The following NAE1 variants were observed in gnomAD, a reference collection of about 807,000 sequenced individuals.
The protein encoded by NAE1 is NEDD8 activating enzyme E1 subunit 1.
Under a neutral mutation model 88.0 loss-of-function variants are expected in NAE1, and 59 were observed. The observed-to-expected ratio is 0.67, with a 90% confidence interval of 0.54 to 0.83. NAE1 has a LOEUF of 0.83. Among genes scored for constraint, NAE1 ranks in the 40% least tolerant of loss-of-function variants. The pLI, the probability that NAE1 is intolerant of heterozygous loss-of-function variation, is 0.00. For synonymous variants in NAE1, 186 were observed against 208.9 expected (o/e 0.89, Z 0.95); for missense variants, 554 against 632.8 (o/e 0.88, Z 1.34).
chr16:66,802,887 A>T lies in NAE1; in HGVS notation c.*122T>A. On this transcript the variant is annotated 3_prime_UTR_variant, in exon 20 of 20. Transcript: ENST00000290810. The stretch of plus-strand genomic sequence containing the variant: ...GAACAAGACTACATTATTACAAATG[A>T]GAAAAATGTTTATTAAGAAAACAAT... 1.5e-6 allele frequency: 1 copy of T among 673,236 alleles called. No homozygotes were observed. Among genetic ancestry groups the T allele is most frequent in the Non-Finnish European group, 2.6e-6 (1 of 383,518 alleles). 41.7% of individuals were successfully genotyped at this position (673,236 alleles called of 1,614,324 possible).
At chr16:66,820,758 G>A (rs12600037) in intron 7 of NAE1, among the ~76,000 whole-genome samples, 59,555 of 151,818 alleles carry the variant, frequency 0.39, 13,556 homozygotes, top group East Asian at 0.6. Flanking sequence ...AAAATTAGCC[G>A]GGCACGGTGG....
At chr16:66,808,847 T>G (rs1959675889) in intron 16 of NAE1, 142 bp downstream of exon 16, 1 of 616,232 alleles carries the variant, frequency 1.6e-6, no homozygotes, top group South Asian at 2.8e-5. Context: ...TATAATTACC[T>G]AGATAAGCTT....
chr16:66,828,384 G>A (rs972895858), intron 1 of NAE1, among the ~76,000 whole-genome samples: 27 of 151,974 alleles, frequency 1.8e-4, no homozygotes, highest in African/African-American at 6.3e-4. Flanking sequence ...CCAGCTACTA[G>A]GGAGGCTGAG....
chr16:66,822,876 G>C (rs1960325122), intron 6 of NAE1, among the ~76,000 whole-genome samples: 1 of 149,498 alleles, frequency 6.7e-6, no homozygotes, highest in Admixed American at 6.6e-5. Context: ...CACCATGTTG[G>C]CCAGGATGGT....
At chr16:66,811,106 G>C (rs1381294823) in intron 13 of NAE1, among the ~76,000 whole-genome samples, 1 of 152,186 alleles carries the variant, frequency 6.6e-6, no homozygotes, top group African/African-American at 2.4e-5. Flanking sequence ...TTATCTCCTG[G>C]AAGTCAAGTC....
At chr16:66,830,495 C>T (rs766943314) in intron 1 of NAE1, among the ~76,000 whole-genome samples, 1 of 152,236 alleles carries the variant, frequency 6.6e-6, no homozygotes, top group African/African-American at 2.4e-5. Context: ...CAAAACCTAA[C>T]CCTCTGTGCC....
chr16:66,816,706 T>C, intron 10 of NAE1, 34 bp from the exon 11 acceptor site: 1 of 1,488,038 alleles, frequency 6.7e-7, no homozygotes, highest in Non-Finnish European at 9.3e-7. Context: ...CAAACAGCCC[T>C]TTTCTTTTCA....
chr16:66,803,309 A>C (rs113501099), intron 19 of NAE1, among the ~76,000 whole-genome samples, 191 bp from the exon 20 acceptor site: 1 of 152,220 alleles, frequency 6.6e-6, no homozygotes, highest in Non-Finnish European at 1.5e-5. Context: ...AAGGAAATCT[A>C]AACAGTAGTG....
At chr16:66,815,662 CTT>C (rs80325903) in intron 11 of NAE1, among the ~76,000 whole-genome samples, 30 of 139,154 alleles carry the variant, frequency 2.2e-4, no homozygotes, top group Admixed American at 3.6e-4. Context: ...CCAGCAAACA[CTT>C]TTTTTTTTTT....
rs144225174 is a variant in NAE1, at chr16:66,823,435, GAC to G, written c.321+92_321+93del. The G allele has an allele frequency of 5.1e-3, 6,753 of 1,332,210 alleles. 300 individuals are homozygous for G. The African/African-American group carries it at 0.09, about 18-fold the overall frequency. 82.5% of individuals were successfully genotyped at this position (1,332,210 alleles called of 1,614,324 possible). On this transcript the variant is annotated intron_variant, in intron 5 of 19. Coordinates refer to ENST00000290810, the MANE Select transcript of NAE1 (RefSeq NM_003905.4). ...AATTCCAATTCAACTAATCATAAAT[GAC>G]ACAAAGATTCAAAATTCTAAATTTC...
chr16:66,816,586 T>C lies in NAE1; in HGVS notation c.835A>G (p.Thr279Ala). The change falls in exon 11 of 20, where the codon ACT becomes GCT. Residue 279 changes from threonine to alanine, a missense_variant. Transcript: ENST00000290810. ...CTCAGCAACTCTTTCATTACCTGAG[T>C]TGTATTTAGTGCTGTGTTCACATTT... ...IKNVNTALNTTQIPSSIEDIF... is the reference protein window; with the variant it reads ...IKNVNTALNTAQIPSSIEDIF... The C allele has an allele frequency of 6.2e-7, 1 of 1,601,844 alleles. No homozygotes were observed. Among genetic ancestry groups the C allele is most frequent in the Non-Finnish European group, 8.6e-7 (1 of 1,169,570 alleles).
chr16:66,830,734 C>T, intron 1 of NAE1, 113 bp downstream of exon 1: 3 of 1,061,670 alleles, frequency 2.8e-6, no homozygotes, highest in Middle Eastern at 2.9e-4. Flanking sequence ...CGGCCCGGCC[C>T]AGCCTGGAAG....
At chr16:66,827,536 C>T (rs1357589075) in intron 1 of NAE1, 1 of 152,098 alleles carries the variant, frequency 6.6e-6, no homozygotes, top group Non-Finnish European at 1.5e-5. Context: ...CCACTGCACT[C>T]CAGCCTGGGC....
chr16:66,818,739 A>C (rs1960148837), intron 7 of NAE1, 102 bp from the exon 8 acceptor site: 1 of 1,393,086 alleles, frequency 7.2e-7, no homozygotes, highest in Non-Finnish European at 9.4e-7. Flanking sequence ...CAGTGGCACA[A>C]TCACAGCTCA....
chr16:66,817,990 G>T (rs1960114424), intron 8 of NAE1, among the ~76,000 whole-genome samples: 1 of 151,980 alleles, frequency 6.6e-6, no homozygotes, highest in Non-Finnish European at 1.5e-5. Flanking sequence ...GGGTACTTAG[G>T]TGTATATATT....
At chr16:66,814,045 G>A (rs1258713633) in intron 11 of NAE1, among the ~76,000 whole-genome samples, 199 bp from the exon 12 acceptor site, 6 of 152,122 alleles carry the variant, frequency 3.9e-5, no homozygotes, top group Admixed American at 2.0e-4. Flanking sequence ...AGACCTCTCC[G>A]GCCCACTGTT....
intron 7 of NAE1, among the ~76,000 whole-genome samples, chr16:66,819,612 T>C (rs1472234020): frequency 1.3e-5 from 2 of 152,214 alleles, no homozygotes; most frequent in African/African-American, 4.8e-5. Flanking sequence ...TTTTGGTATA[T>C]TTGCAAATAC....
Position 66,821,576 on chromosome 16 carries a change from A to G in NAE1, c.402-17T>C, listed in dbSNP as rs1960262704. On this transcript the variant is annotated splice_polypyrimidine_tract_variant and intron_variant, in intron 6 of 19. Coordinates refer to ENST00000290810, the MANE Select transcript of NAE1 (RefSeq NM_003905.4). ...AGTGAAGTGCTGTTTAAAAAAAAAA[A>G]GCAAAATATGAACATAAGCAAATGG... 3.9e-6 allele frequency: 6 copies of G among 1,520,218 alleles called. No individual in the cohort carries two copies. Among genetic ancestry groups the G allele is most frequent in the Non-Finnish European group, 5.3e-6 (6 of 1,130,962 alleles). 94.2% of individuals were successfully genotyped at this position (1,520,218 alleles called of 1,614,324 possible). A position where few individuals can be genotyped will look rare whatever the true frequency, so the allele number is the denominator to read the frequency against.
chr16:66,812,845 CAG>C (rs1319990948), intron 13 of NAE1, among the ~76,000 whole-genome samples: 46 of 126,108 alleles, frequency 3.6e-4, no homozygotes, highest in Admixed American at 3.4e-3. Flanking sequence ...TTTTTTGAGA[CAG>C]AGTCTCACTC....
Sources: gnomAD v4.1 joint callset for allele counts (sites outside exome capture counted in the v4.1 genomes callset) on GRCh38, gnomAD v4.1.1 for gene constraint, MANE v1.5 for transcripts, NCBI Gene and HGNC (gene_info 2026-07-23, HGNC 2026-07-21) for gene names.